DNAH7: variants seen among roughly 807,000 people sequenced by gnomAD.
The protein encoded by DNAH7 is axonemal beta dynein heavy chain 7.
A neutral mutation model predicts 444.6 loss-of-function variants in DNAH7; 397 were observed. The ratio of observed to expected loss-of-function variants is 0.89; its 90% CI spans 0.82 to 0.97. The LOEUF (loss-of-function observed/expected upper bound fraction) is 0.97. DNAH7 is among the 50% of genes least tolerant of loss of function. DNAH7 has a pLI of 0.00. For missense variants in DNAH7, 4,902 were observed against 4,800.8 expected (o/e 1.02, Z -0.62); for synonymous variants, 1,636 against 1,624.4 (o/e 1.01, Z -0.17).
intron 47 of DNAH7, among the ~76,000 whole-genome samples, chr2:195,835,099 T>C (rs1698274794): frequency 6.6e-6 from 1 of 152,210 alleles, no homozygotes; most frequent in Non-Finnish European, 1.5e-5. Flanking sequence ...CTGCAATTAC[T>C]GTATGATATT....
At chr2:195,871,841 G>A (rs1359737918) in intron 40 of DNAH7, among the ~76,000 whole-genome samples, 1 of 109,888 alleles carries the variant, frequency 9.1e-6, no homozygotes, top group East Asian at 2.2e-4. Context: ...TTAGGCAGGA[G>A]AATGGCGTGA....
chr2:195,846,335 C>T (rs141462468), intron 46 of DNAH7, among the ~76,000 whole-genome samples: 11 of 152,242 alleles, frequency 7.2e-5, no homozygotes, highest in African/African-American at 1.2e-4. Flanking sequence ...ATCAGAATGG[C>T]TTTTGTTAAA....
intron 46 of DNAH7, among the ~76,000 whole-genome samples, chr2:195,850,759 TTCATGTGAGGGG>T (rs750731021): frequency 7.3e-4 from 111 of 152,200 alleles, no homozygotes; most frequent in Non-Finnish European, 1.2e-3. Flanking sequence ...GGGATGAAGA[TTCATGTGAGGGG>T]ACATGCTGAG....
At chr2:195,943,555 T>C (rs903665594) in intron 19 of DNAH7, among the ~76,000 whole-genome samples, 1 of 152,112 alleles carries the variant, frequency 6.6e-6, no homozygotes, top group South Asian at 2.1e-4. Context: ...TCTAAATGAG[T>C]GCTGTATCAG....
intron 61 of DNAH7, among the ~76,000 whole-genome samples, chr2:195,757,715 A>C (rs1036346093): frequency 3.9e-5 from 6 of 152,186 alleles, no homozygotes; most frequent in African/African-American, 1.4e-4. Flanking sequence ...ATACAGAAGA[A>C]ACCTGATCCT....
At position 195,816,717 on chromosome 2, in the gene DNAH7, C is replaced by T. The variant is rs751387569; in HGVS notation, c.9672G>A (p.Glu3224=). The change falls in exon 51 of 65, where the codon GAG becomes GAA. Residue 3224 remains glutamate (E), a synonymous_variant. Transcript: ENST00000312428. ...FFSLADLANI[E]PMYQYSLTWF... The stretch of plus-strand genomic sequence containing the variant: ...AGGTCAGTGAATACTGGTACATGGG[C>T]TCAATGTTGGCTAAATCAGCAAGAG... 7 of 1,614,084 alleles carry T rather than the reference C, an allele frequency of 4.3e-6. No individual in the cohort carries two copies. The highest frequency in any genetic ancestry group is 5.9e-6 in the Non-Finnish European group (7 of 1,179,988).
Position 195,778,632 on chromosome 2 carries a change from ATAAATAAATAAATAT to A in DNAH7, c.10879-662_10879-648del, listed in dbSNP as rs1183554271. On this transcript the variant is annotated intron_variant, in intron 58 of 64. Coordinates refer to ENST00000312428, the MANE Select transcript of DNAH7 (RefSeq NM_018897.3). The stretch of plus-strand genomic sequence containing the variant: ...AGACCCTGTCTGAAAAAAAAAAAAA[ATAAATAAATAAATAT>A]ATATATATATATATATATATATACA... Among the ~76,000 whole-genome samples the A allele has an allele frequency of 3.7e-4, 21 of 57,328 alleles. 4 individuals carry two copies. The highest frequency in any genetic ancestry group is 1.4e-3 in the African/African-American group (16 of 11,272). The allele number at this position is 57,328 out of a possible 152,430, so 37.6% of individuals were successfully genotyped here.
At chr2:195,918,933 A>G (rs866027466) in intron 24 of DNAH7, among the ~76,000 whole-genome samples, 3 of 152,302 alleles carry the variant, frequency 2.0e-5, no homozygotes, top group Middle Eastern at 3.4e-3. Context: ...TGGTTTATCA[A>G]TTATAACAAA....
At chr2:195,977,179 T>C (rs562008119) in intron 15 of DNAH7, among the ~76,000 whole-genome samples, 19 of 152,160 alleles carry the variant, frequency 1.2e-4, no homozygotes, top group Admixed American at 3.3e-4. Context: ...CCCAAAGAGA[T>C]AGAGATATGT....
chr2:196,059,216 T>A (rs1272983984), intron 1 of DNAH7, among the ~76,000 whole-genome samples: 1 of 152,134 alleles, frequency 6.6e-6, no homozygotes, highest in Non-Finnish European at 1.5e-5. Flanking sequence ...TGTATTCTGG[T>A]TTTTCCCCCC....
In DNAH7 at chr2:195,936,710, A is replaced by G; in HGVS notation, c.3161T>C (p.Leu1054Pro). The G allele has an allele frequency of 2.5e-6, 4 of 1,605,540 alleles. No individual in the cohort carries two copies. The highest frequency in any genetic ancestry group is 3.4e-6 in the Non-Finnish European group (4 of 1,176,808). ...KKSNELLELILKGLNEYLEKK... is the reference protein window; with the variant it reads ...KKSNELLELIPKGLNEYLEKK... ...TTCCAAATATTCATTAAGTCCTTTA[A>G]GAATGAGCTCCAAAAGTTCATTAGA... is the stretch of plus-strand genomic sequence containing the variant. The change falls in exon 20 of 65, where the codon CTT becomes CCT. Residue 1054 changes from leucine to proline, a missense_variant. Leu to Pro is a moderately conservative substitution (Grantham distance 98, BLOSUM62 -3). Transcript: ENST00000312428.
chr2:195,914,692 C>T (rs1687563847), intron 24 of DNAH7, among the ~76,000 whole-genome samples: 1 of 152,160 alleles, frequency 6.6e-6, no homozygotes, highest in Non-Finnish European at 1.5e-5. Context: ...GAGACAGAAT[C>T]TTGCTCTGTC....
At position 195,775,901 on chromosome 2, in the gene DNAH7, A is replaced by G. The variant is rs2105948245; in HGVS notation, c.11147T>C (p.Ile3716Thr). 2 of 1,614,172 alleles carry G rather than the reference A, an allele frequency of 1.2e-6. No individual in the cohort carries two copies. Among genetic ancestry groups the G allele is most frequent in the East Asian group, 4.5e-5 (2 of 44,888 alleles). The change falls in exon 60 of 65, where the codon ATC becomes ACC. Residue 3716 changes from isoleucine to threonine, a missense_variant. Physicochemically the swap from Ile to Thr is moderately conservative, Grantham distance 89. Transcript: ENST00000312428. ...CTGAGTTTCTGACTGATCCTTAGTG[A>G]TATCTGCATTGGCATTCATCCCAAA... is the stretch of plus-strand genomic sequence containing the variant. Reference protein sequence around the residue: ...EIFGMNANADITKDQSETQLL... With the variant: ...EIFGMNANADTTKDQSETQLL...
chr2:195,751,827 AGTTGC>A (rs1490540009), intron 63 of DNAH7, among the ~76,000 whole-genome samples: 1 of 152,188 alleles, frequency 6.6e-6, no homozygotes, highest in Non-Finnish European at 1.5e-5. Context: ...AAACTTATTT[AGTTGC>A]CTGGGTTTTC....
At chr2:195,855,086 T>G (rs531132437) in intron 45 of DNAH7, among the ~76,000 whole-genome samples, 12 of 152,324 alleles carry the variant, frequency 7.9e-5, no homozygotes, top group Non-Finnish European at 1.6e-4. Context: ...ATCTTTCTGT[T>G]CTTTAGTTTC....
intron 19 of DNAH7, among the ~76,000 whole-genome samples, chr2:195,943,600 A>C (rs1038873454): frequency 4.6e-5 from 7 of 152,164 alleles, no homozygotes; most frequent in Admixed American, 3.9e-4. Context: ...TGGCAGCTTG[A>C]GTGCACCCAG....
rs1290996731 is a variant in DNAH7 at position 195,824,250 on chromosome 2, C to T, written c.9291+5G>A. 1.4e-5 allele frequency: 23 copies of T among 1,602,824 alleles called. No individual in the cohort carries two copies. The highest frequency in any genetic ancestry group is 1.8e-5 in the Non-Finnish European group (21 of 1,173,756). ...GATAAAGAAACATTCATTTTATATA[C>T]TGGCCTTTACTGATGTTTCAGGAAG... is the stretch of plus-strand genomic sequence containing the variant. On this transcript the variant is annotated splice_donor_5th_base_variant and intron_variant, in intron 49 of 64. Transcript: ENST00000312428.
chr2:196,021,747 G>A (rs1695396519), intron 8 of DNAH7, among the ~76,000 whole-genome samples: 1 of 152,058 alleles, frequency 6.6e-6, no homozygotes, highest in Non-Finnish European at 1.5e-5. Flanking sequence ...ACTTGGGTCT[G>A]GGAGGTTAAG....
At position 195,895,180 on chromosome 2, in the gene DNAH7, T is replaced by C. The variant is rs777629833; in HGVS notation, c.4692A>G (p.Pro1564=). 15 of 1,611,716 alleles carry C rather than the reference T, an allele frequency of 9.3e-6. No individual in the cohort carries two copies. Among genetic ancestry groups the C allele is most frequent in the Non-Finnish European group, 1.3e-5 (15 of 1,178,542 alleles). Residue 1564 remains proline (P), a synonymous_variant, in exon 30 of 65, where the codon CCA becomes CCG. Coordinates refer to ENST00000312428, the MANE Select transcript of DNAH7 (RefSeq NM_018897.3). The part of the protein sequence containing the change: ...DLFPGVKLPK[P]DYNDLLAAIK... ...TAGCTGCCAGCAAATCATTGTAATC[T>C]GGTTTTGGTAATTTTACCCCAGGAA... is the stretch of plus-strand genomic sequence containing the variant.
Sources: gnomAD v4.1 joint callset for allele counts (sites outside exome capture counted in the v4.1 genomes callset) on GRCh38, gnomAD v4.1.1 for gene constraint, MANE v1.5 for transcripts, NCBI Gene and HGNC (gene_info 2026-07-23, HGNC 2026-07-21) for gene names.